Variants in PCCA observed in about 807,000 individuals in gnomAD.
The protein encoded by PCCA is propionyl-CoA carboxylase subunit alpha.
In PCCA, 74 loss-of-function variants were observed where a neutral mutation model predicts 101.3. That is an observed-to-expected ratio of 0.73 (90% CI 0.61 to 0.89). The LOEUF is 0.89. Ranked by LOEUF, PCCA falls within the 40% of genes least tolerant of loss-of-function variation. The pLI is 0.00. For missense variants in PCCA, 891 were observed against 907.0 expected, an observed-to-expected ratio of 0.98 and a Z score of 0.23; for synonymous variants, 294 against 313.6, an observed-to-expected ratio of 0.94 and a Z score of 0.66.
At chr13:100,420,676 T>C (rs1330880879) in intron 19 of PCCA, among the ~76,000 whole-genome samples, 1 of 152,228 alleles carries the variant, frequency 6.6e-6, no homozygotes, top group African/African-American at 2.4e-5. Context: ...ACCTTGTTAG[T>C]TCAGGTCTCT....
intron 6 of PCCA, among the ~76,000 whole-genome samples, chr13:100,162,716 C>T (rs947285827): frequency 6.6e-6 from 1 of 152,204 alleles, no homozygotes; most frequent in East Asian, 1.9e-4. Flanking sequence ...GTGAGCTTTG[C>T]TCAGTTAACT....
At chr13:100,118,125 GA>G (rs537580846) in intron 4 of PCCA, among the ~76,000 whole-genome samples, 1,779 of 95,330 alleles carry the variant, frequency 0.019, 10 homozygotes, top group East Asian at 0.091. Context: ...CAAAAAAAAA[GA>G]AAAAAAAAAA....
chr13:100,529,759 A>AC (rs1274852559), intron 23 of PCCA, among the ~76,000 whole-genome samples: 1 of 152,156 alleles, frequency 6.6e-6, no homozygotes, highest in East Asian at 1.9e-4. Context: ...AGGGGTTAGA[A>AC]CTCACCTGGC....
intron 7 of PCCA, among the ~76,000 whole-genome samples, chr13:100,226,066 C>T (rs767915976): frequency 6.6e-6 from 1 of 152,152 alleles, no homozygotes; most frequent in Non-Finnish European, 1.5e-5. Context: ...GCTGGAATTG[C>T]AGGCATGAGC....
chr13:100,146,310 C>T (rs1019580241), intron 4 of PCCA, among the ~76,000 whole-genome samples: 1 of 151,034 alleles, frequency 6.6e-6, no homozygotes, highest in African/African-American at 2.4e-5. Context: ...GGCGCGGTGG[C>T]TCATGCCTGT....
chr13:100,313,462 G>C (rs2067094248), intron 16 of PCCA, among the ~76,000 whole-genome samples: 1 of 152,154 alleles, frequency 6.6e-6, no homozygotes, highest in Non-Finnish European at 1.5e-5. Context: ...CAGGGAGTGA[G>C]GAATGCTGAC....
intron 6 of PCCA, among the ~76,000 whole-genome samples, chr13:100,173,119 A>G (rs1283963716): frequency 6.6e-5 from 10 of 152,196 alleles, no homozygotes; most frequent in African/African-American, 2.2e-4. Flanking sequence ...AGCTGTCTGT[A>G]AAAGTTCTGC....
rs763331038 is a variant in PCCA at position 100,400,627 on chromosome 13, G to GTTT, written c.1747-25004_1747-25003insTTT. On this transcript the variant is annotated intron_variant, in intron 19 of 23. Coordinates refer to ENST00000376285, the MANE Select transcript of PCCA (RefSeq NM_000282.4). ...TGATGATTGATCTTAGTTCTTTTTA[G>GTTT]TTCTTTTTTTTTTTTTTTTTGAGAG... is the stretch of plus-strand genomic sequence containing the variant. Among the ~76,000 whole-genome samples the GTTT allele has an allele frequency of 8.3e-3, 667 of 80,030 alleles. 55 individuals carry two copies. The highest frequency in any genetic ancestry group is 0.038 in the African/African-American group (583 of 15,260). The allele number at this position is 80,030 out of a possible 152,430, so 52.5% of individuals were successfully genotyped here.
At chr13:100,099,798 G>A (rs771725735) in intron 1 of PCCA, among the ~76,000 whole-genome samples, 8 of 152,084 alleles carry the variant, frequency 5.3e-5, no homozygotes, top group Non-Finnish European at 1.0e-4. Flanking sequence ...AGCCATGTTA[G>A]ACATTCTCAT....
Position 100,205,846 on chromosome 13 carries a change from A to G in PCCA, c.469-3486A>G, listed in dbSNP as rs369541210. 9.6e-4 allele frequency among the ~76,000 whole-genome samples: 146 copies of G among 152,270 alleles called. 4 individuals are homozygous for G. The South Asian group carries it at 0.027, about 29-fold the overall frequency. ...ATATGGAAAGACAATTGATGGTTGAAGCATGATTGTTTCCTCTTGTCTTTA... is the reference window on the plus strand; with the variant it reads ...ATATGGAAAGACAATTGATGGTTGAGGCATGATTGTTTCCTCTTGTCTTTA... On this transcript the variant is annotated intron_variant, in intron 6 of 23. Coordinates refer to ENST00000376285, the MANE Select transcript of PCCA (RefSeq NM_000282.4).
At chr13:100,351,309 A>G (rs1245258950) in intron 18 of PCCA, among the ~76,000 whole-genome samples, 1 of 152,212 alleles carries the variant, frequency 6.6e-6, no homozygotes, top group Non-Finnish European at 1.5e-5. Flanking sequence ...TTCCAAAAAA[A>G]GATTTAAAAG....
At chr13:100,243,645 A>G (rs953009812) in intron 8 of PCCA, among the ~76,000 whole-genome samples, 2 of 152,224 alleles carry the variant, frequency 1.3e-5, no homozygotes, top group African/African-American at 2.4e-5. Flanking sequence ...ATTCAAATGT[A>G]TGAAAGTCTT....
intron 6 of PCCA, among the ~76,000 whole-genome samples, chr13:100,182,386 G>A (rs1442091238): frequency 6.6e-6 from 1 of 152,002 alleles, no homozygotes; most frequent in African/African-American, 2.4e-5. Context: ...ACTGTGCCTG[G>A]CCAGTTACTA....
chr13:100,467,554 T>C (rs1404003027), intron 21 of PCCA, among the ~76,000 whole-genome samples: 1 of 152,172 alleles, frequency 6.6e-6, no homozygotes, highest in Non-Finnish European at 1.5e-5. Context: ...GTATTTTTAG[T>C]AGACACGGGG....
At chr13:100,231,814 T>G (rs1877066795) in intron 7 of PCCA, among the ~76,000 whole-genome samples, 1 of 151,508 alleles carries the variant, frequency 6.6e-6, no homozygotes. Context: ...TCAAGTGGTC[T>G]TCCTGCCTGG....
chr13:100,274,150 T>C (rs143089610), intron 12 of PCCA, among the ~76,000 whole-genome samples: 1 of 152,250 alleles, frequency 6.6e-6, no homozygotes, highest in Non-Finnish European at 1.5e-5. Context: ...CCTATCTGAC[T>C]GACTTCTCAG....
chr13:100,129,109 A>C (rs1055056685), intron 4 of PCCA, among the ~76,000 whole-genome samples: 5 of 152,210 alleles, frequency 3.3e-5, no homozygotes, highest in Non-Finnish European at 7.3e-5. Context: ...ATCCTCCTGC[A>C]GAAGCACAAG....
intron 18 of PCCA, among the ~76,000 whole-genome samples, chr13:100,345,439 C>G (rs1005958711): frequency 6.6e-6 from 1 of 152,162 alleles, no homozygotes; most frequent in African/African-American, 2.4e-5. Flanking sequence ...TAGAGCAAGG[C>G]CCTAACTCTC....
chr13:100,273,441 C>A, intron 12 of PCCA, 95 bp downstream of exon 12: 2 of 964,290 alleles, frequency 2.1e-6, no homozygotes, highest in Middle Eastern at 3.1e-4. Context: ...AAAATTAACT[C>A]CATAAAGTGT....
Sources: allele counts gnomAD v4.1 joint callset (sites outside exome capture counted in the v4.1 genomes callset), GRCh38; gene constraint gnomAD v4.1.1; transcripts MANE v1.5; gene names NCBI Gene and HGNC (gene_info 2026-07-23, HGNC 2026-07-21).